PAK1: variants seen among roughly 807,000 people sequenced by gnomAD.
PAK1 encodes serine/threonine-protein kinase PAK 1.
In PAK1, 29 loss-of-function variants were observed where a neutral mutation model predicts 67.4. The ratio of observed to expected loss-of-function variants is 0.43; its 90% confidence interval spans 0.32 to 0.59. PAK1 has a LOEUF of 0.59. Ranked by LOEUF, PAK1 falls within the 20% of genes least tolerant of loss-of-function variation. The pLI is 0.07. For missense variants in PAK1, 337 were observed against 670.7 expected, an observed-to-expected ratio of 0.50 and a Z score of 5.50; for synonymous variants, 223 against 237.4, an observed-to-expected ratio of 0.94 and a Z score of 0.56.
the PAK1 span, among the ~76,000 whole-genome samples, chr11:77,520,002 G>GCC: frequency 7.3e-4 from 110 of 151,296 alleles, no homozygotes; most frequent in South Asian, 5.2e-3. Flanking sequence ...CTGGCCTGTG[G>GCC]CCCCCCCCTC....
At chr11:77,523,032 A>G in the PAK1 span, among the ~76,000 whole-genome samples, 2 of 152,208 alleles carry the variant, frequency 1.3e-5, no homozygotes, top group African/African-American at 4.8e-5. Context: ...GTACACATGG[A>G]CATAAAGATG....
the PAK1 span, among the ~76,000 whole-genome samples, chr11:77,493,295 C>T: frequency 8.4e-6 from 1 of 119,134 alleles, no homozygotes; most frequent in African/African-American, 3.5e-5. Flanking sequence ...TTTTTTGAGA[C>T]AGGGTCTCTC....
At chr11:77,333,846 T>C (rs892626501) in intron 13 of PAK1, among the ~76,000 whole-genome samples, 39 of 152,148 alleles carry the variant, frequency 2.6e-4, no homozygotes, top group Admixed American at 7.2e-4. Context: ...ACTTCACAGA[T>C]AGGGTCCGGA....
At chr11:77,350,555 T>G (rs1945099971) in intron 8 of PAK1, among the ~76,000 whole-genome samples, 1 of 152,348 alleles carries the variant, frequency 6.6e-6, no homozygotes, top group Non-Finnish European at 1.5e-5. Context: ...TATTTGTACC[T>G]GTACATGCCA....
intron 14 of PAK1, among the ~76,000 whole-genome samples, chr11:77,324,232 G>A (rs554418559): frequency 7.1e-4 from 103 of 145,844 alleles, no homozygotes; most frequent in Non-Finnish European, 1.1e-3. Flanking sequence ...GAGTGCAGTG[G>A]TGCGGTCTCG....
intron 2 of PAK1, among the ~76,000 whole-genome samples, chr11:77,382,527 G>A (rs1014067786): frequency 6.6e-6 from 1 of 152,132 alleles, no homozygotes; most frequent in Non-Finnish European, 1.5e-5. Flanking sequence ...CCAAGACACT[G>A]AGTCTGCTAC....
chr11:77,395,165 C>T (rs1951676695), intron 1 of PAK1, among the ~76,000 whole-genome samples: 1 of 152,192 alleles, frequency 6.6e-6, no homozygotes, highest in Non-Finnish European at 1.5e-5. Context: ...TCCTTGAACC[C>T]ATTTGGAAAT....
chr11:77,453,109 C>A (rs1592529742), intron 1 of PAK1, among the ~76,000 whole-genome samples: 1 of 152,330 alleles, frequency 6.6e-6, no homozygotes, highest in South Asian at 2.1e-4. Flanking sequence ...AATCCCAGCA[C>A]TTCAGGAGGC....
intron 14 of PAK1, among the ~76,000 whole-genome samples, chr11:77,332,177 G>C (rs528877899): frequency 6.7e-6 from 1 of 148,606 alleles, no homozygotes; most frequent in Non-Finnish European, 1.5e-5. Context: ...GTATGGTGGC[G>C]TGCACCTGTA....
At chr11:77,447,894 C>T (rs1956688093) in intron 1 of PAK1, among the ~76,000 whole-genome samples, 1 of 152,190 alleles carries the variant, frequency 6.6e-6, no homozygotes, top group South Asian at 2.1e-4. Flanking sequence ...ATTAATAACT[C>T]TAGGGCTATT....
intron 1 of PAK1, among the ~76,000 whole-genome samples, chr11:77,441,193 A>T (rs1956340021): frequency 6.7e-6 from 1 of 150,150 alleles, no homozygotes; most frequent in Non-Finnish European, 1.5e-5. Context: ...CCATCTCTCC[A>T]AATACCGTCT....
intron 1 of PAK1, among the ~76,000 whole-genome samples, chr11:77,408,419 A>C (rs1366235805): frequency 6.6e-6 from 1 of 152,058 alleles, no homozygotes; most frequent in Non-Finnish European, 1.5e-5. Flanking sequence ...ATCCTGTCTC[A>C]AGAAAAGAAA....
At chr11:77,477,970 G>A (rs565288518), upstream of PAK1, among the ~76,000 whole-genome samples, 1 of 152,132 alleles carries the variant, frequency 6.6e-6, no homozygotes, top group African/African-American at 2.4e-5. Flanking sequence ...TCCAGTTCAG[G>A]GTTGAGAGTG....
chr11:77,380,087 G>T, intron 2 of PAK1, 93 bp from the exon 3 acceptor site: 1 of 827,058 alleles, frequency 1.2e-6, no homozygotes, highest in Non-Finnish European at 1.9e-6. Context: ...GTCTCCTTGA[G>T]AGGGCAAAGT....
intron 2 of PAK1, among the ~76,000 whole-genome samples, chr11:77,385,534 T>A (rs1005844740): frequency 5.3e-5 from 8 of 152,216 alleles, no homozygotes; most frequent in African/African-American, 1.4e-4. Flanking sequence ...AGAAGACTTA[T>A]ATCTAAATAA....
At chr11:77,329,941 G>C (rs1941059666) in intron 14 of PAK1, among the ~76,000 whole-genome samples, 1 of 151,974 alleles carries the variant, frequency 6.6e-6, no homozygotes, top group African/African-American at 2.4e-5. Context: ...CTAAGTCTCA[G>C]GATACAAAAT....
chr11:77,427,429 A>C (rs1955608325), intron 1 of PAK1, among the ~76,000 whole-genome samples: 1 of 152,122 alleles, frequency 6.6e-6, no homozygotes, highest in South Asian at 2.1e-4. Flanking sequence ...AATAGTGTGA[A>C]TATATCATTT....
intron 1 of PAK1, among the ~76,000 whole-genome samples, chr11:77,422,435 C>T (rs1357353666): frequency 1.3e-5 from 2 of 151,898 alleles, no homozygotes; most frequent in African/African-American, 4.8e-5. Context: ...GTGGCAGGCA[C>T]CTGTAATCTT....
rs1412660405 is a variant in PAK1, at chr11:77,359,381, T to C, written c.478-364A>G. Among the ~76,000 whole-genome samples, 5 of 152,176 alleles carry C rather than the reference T, an allele frequency of 3.3e-5. 1 individual carries two copies. The highest frequency in any genetic ancestry group is 9.7e-5 in the African/African-American group (4 of 41,440). ...TCTCCACACTGAACAGGAAATAAAGTATGAAATGTAGGGAAGAGATCAAAA... is the reference window on the plus strand; with the variant it reads ...TCTCCACACTGAACAGGAAATAAAGCATGAAATGTAGGGAAGAGATCAAAA... On this transcript the variant is annotated intron_variant, in intron 5 of 14. Transcript: ENST00000356341.
Sources: allele counts gnomAD v4.1 joint callset (sites outside exome capture counted in the v4.1 genomes callset), GRCh38; gene constraint gnomAD v4.1.1; transcripts MANE v1.5; gene names NCBI Gene and HGNC (gene_info 2026-07-23, HGNC 2026-07-21).